Variants in LIMCH1 observed in about 807,000 individuals in gnomAD.
The protein encoded by LIMCH1 is LIM and calponin homology domains 1, also known as LIM and calponin homology domains-containing protein 1.
Under a neutral mutation model 176.5 loss-of-function variants are expected in LIMCH1, and 113 were observed. That is an observed-to-expected ratio of 0.64 (90% CI 0.55 to 0.75). The LOEUF (loss-of-function observed/expected upper bound fraction) is 0.75. Ranked by LOEUF, LIMCH1 falls within the 30% of genes least tolerant of loss-of-function variation. LIMCH1 has a pLI of 0.00. For synonymous variants in LIMCH1, 619 were observed against 645.9 expected, an observed-to-expected ratio of 0.96 and a Z score of 0.63; for missense variants, 1,674 against 1,814.9, an observed-to-expected ratio of 0.92 and a Z score of 1.41.
intron 5 of LIMCH1, among the ~76,000 whole-genome samples, chr4:41,615,303 TG>T (rs1236515906): frequency 4.6e-5 from 7 of 152,174 alleles, no homozygotes; most frequent in Non-Finnish European, 7.4e-5. Flanking sequence ...TTACCAGCTT[TG>T]GGGGGTTCAG....
chr4:41,410,282 T>C (rs1373818376), intron 1 of LIMCH1, among the ~76,000 whole-genome samples: 2 of 152,180 alleles, frequency 1.3e-5, no homozygotes, highest in Admixed American at 6.5e-5. Context: ...TTATGATTCC[T>C]AGGGCCTGTA....
At chr4:41,478,162 A>G (rs2068032621) in intron 1 of LIMCH1, among the ~76,000 whole-genome samples, 1 of 152,222 alleles carries the variant, frequency 6.6e-6, no homozygotes, top group Non-Finnish European at 1.5e-5. Context: ...TAACACAAGT[A>G]CAGAGAATTA....
chr4:41,594,357 G>A (rs753355513), intron 1 of LIMCH1, among the ~76,000 whole-genome samples: 44 of 152,288 alleles, frequency 2.9e-4, no homozygotes, highest in Non-Finnish European at 4.7e-4. Flanking sequence ...TAAATATATA[G>A]CCATTATAGT....
At chr4:41,606,090 A>G in intron 4 of LIMCH1, 86 bp downstream of exon 4, 2 of 903,388 alleles carry the variant, frequency 2.2e-6, no homozygotes, top group Admixed American at 2.0e-5. Context: ...TTACTAGAGT[A>G]CTGGGTTGTG....
intron 1 of LIMCH1, among the ~76,000 whole-genome samples, chr4:41,408,074 T>TA (rs1175921763): frequency 1.3e-5 from 2 of 152,186 alleles, no homozygotes; most frequent in Non-Finnish European, 2.9e-5. Context: ...TGTCCATAGT[T>TA]AGTGTTCAAA....
chr4:41,545,763 T>C (rs1270707451), intron 1 of LIMCH1, among the ~76,000 whole-genome samples: 1 of 152,232 alleles, frequency 6.6e-6, no homozygotes, highest in African/African-American at 2.4e-5. Flanking sequence ...TTAACTTTTT[T>C]AAAAGTCAAG....
chr4:41,373,444 G>A (rs1238844929), intron 1 of LIMCH1, among the ~76,000 whole-genome samples: 2 of 152,220 alleles, frequency 1.3e-5, no homozygotes, highest in African/African-American at 2.4e-5. Context: ...CCCGGCCTGG[G>A]CCATGGCTGG....
intron 23 of LIMCH1, 29 bp from the exon 24 acceptor site, chr4:41,679,977 G>A: frequency 3.9e-6 from 6 of 1,520,848 alleles, no homozygotes; most frequent in Non-Finnish European, 4.5e-6. Context: ...ATGGTCAGTT[G>A]AGAACAATCT....
intron 1 of LIMCH1, among the ~76,000 whole-genome samples, chr4:41,479,056 A>C (rs2068161162): frequency 6.6e-6 from 1 of 152,174 alleles, no homozygotes; most frequent in African/African-American, 2.4e-5. Context: ...AGATTGGTTC[A>C]AAGAGACCCA....
intron 1 of LIMCH1, among the ~76,000 whole-genome samples, chr4:41,436,906 CTGAAAA>C (rs1294286810): frequency 2.6e-5 from 4 of 152,134 alleles, no homozygotes; most frequent in Non-Finnish European, 5.9e-5. Flanking sequence ...ATCCTTGAAT[CTGAAAA>C]TGAAAGCCAT....
intron 1 of LIMCH1, among the ~76,000 whole-genome samples, chr4:41,403,286 A>G (rs939834048): frequency 1.3e-5 from 2 of 152,124 alleles, no homozygotes; most frequent in Non-Finnish European, 2.9e-5. Flanking sequence ...GCTTTGTTTC[A>G]TGGGACCCAT....
Position 41,629,558 on chromosome 4 carries a change from A to G in LIMCH1, c.1095A>G (p.Glu365=). ...VTCNMRAQES[E]PVEGGLRKVP... is the part of the protein sequence containing the mutation. Reference sequence around the variant, plus strand: ...GTAACATGAGGGCTCAGGAAAGTGAACCTGTGGAAGGAGGACTCAGGAAGG... The same window carrying G: ...GTAACATGAGGGCTCAGGAAAGTGAGCCTGTGGAAGGAGGACTCAGGAAGG... The change falls in exon 9 of 32, where the codon GAA becomes GAG. Residue 365 remains glutamate (E), a synonymous_variant. Coordinates refer to ENST00000503057, the MANE Select transcript of LIMCH1 (RefSeq NM_001330672.2). 1 of 1,536,058 alleles carries G rather than the reference A, an allele frequency of 6.5e-7. No homozygotes were observed. The highest frequency in any genetic ancestry group is 8.7e-7 in the Non-Finnish European group (1 of 1,146,898).
intron 1 of LIMCH1, among the ~76,000 whole-genome samples, chr4:41,483,821 G>C (rs1414359769): frequency 6.6e-6 from 1 of 152,224 alleles, no homozygotes; most frequent in Non-Finnish European, 1.5e-5. Context: ...TTCCCTGACT[G>C]TCTTAGGAGA....
At chr4:41,695,305 G>C in intron 31 of LIMCH1, among the ~76,000 whole-genome samples, 1 of 150,658 alleles carries the variant, frequency 6.6e-6, no homozygotes, top group East Asian at 1.9e-4. Context: ...AATAAATTTA[G>C]CTGAGATTTC....
At chr4:41,425,532 A>G (rs1270247135) in intron 1 of LIMCH1, among the ~76,000 whole-genome samples, 2 of 152,068 alleles carry the variant, frequency 1.3e-5, no homozygotes, top group East Asian at 3.9e-4. Context: ...TTTTCAGTAG[A>G]GACAGGGTTT....
At chr4:41,450,904 A>G (rs1280902981) in intron 1 of LIMCH1, among the ~76,000 whole-genome samples, 2 of 150,080 alleles carry the variant, frequency 1.3e-5, no homozygotes, top group Admixed American at 6.6e-5. Context: ...GGACAGATTG[A>G]GTTCTCAATT....
chr4:41,472,531 C>G (rs1309435175), intron 1 of LIMCH1, among the ~76,000 whole-genome samples: 2 of 152,050 alleles, frequency 1.3e-5, no homozygotes, highest in Admixed American at 1.3e-4. Flanking sequence ...GTGATCCTCC[C>G]ATCTCAGTCT....
At chr4:41,531,048 G>T (rs926449684) in intron 3 of LIMCH1, among the ~76,000 whole-genome samples, 3 of 151,762 alleles carry the variant, frequency 2.0e-5, no homozygotes, top group Non-Finnish European at 4.4e-5. Flanking sequence ...CTAATAAGAG[G>T]CAGAGTTGGT....
chr4:41,572,720 A>G (rs1279894149), intron 1 of LIMCH1, among the ~76,000 whole-genome samples: 1 of 152,212 alleles, frequency 6.6e-6, no homozygotes, highest in Non-Finnish European at 1.5e-5. Context: ...GAGTATTGTC[A>G]CATGGTGTTT....
Sources: gnomAD v4.1 joint callset for allele counts (sites outside exome capture counted in the v4.1 genomes callset) on GRCh38, gnomAD v4.1.1 for gene constraint, MANE v1.5 for transcripts, NCBI Gene and HGNC (gene_info 2026-07-23, HGNC 2026-07-21) for gene names.